WWP2: variants seen among roughly 807,000 people sequenced by gnomAD.
WWP2 encodes the protein NEDD4-like E3 ubiquitin-protein ligase WWP2.
WWP2 carries 57 observed loss-of-function variants against 121.0 expected under a neutral mutation model. That is an observed-to-expected ratio of 0.47 (90% confidence interval 0.38 to 0.59). The LOEUF is 0.59. Ranked by LOEUF, WWP2 falls within the 20% of genes least tolerant of loss-of-function variation. The probability of loss-of-function intolerance (pLI) is 0.00; values close to 1 mark genes in which losing one functional copy is unlikely to be tolerated. For synonymous variants in WWP2, 449 were observed against 441.3 expected (o/e 1.02, Z -0.22); for missense variants, 962 against 1,158.9 (o/e 0.83, Z 2.47).
intron 2 of WWP2, among the ~76,000 whole-genome samples, chr16:69,788,607 C>G (rs2055841431): frequency 6.6e-6 from 1 of 152,222 alleles, no homozygotes; most frequent in Admixed American, 6.5e-5. Context: ...AAGCCACCCT[C>G]TTCCTGATCC....
intron 1 of WWP2, among the ~76,000 whole-genome samples, chr16:69,763,556 G>T (rs998569959): frequency 6.6e-6 from 1 of 152,210 alleles, no homozygotes; most frequent in Non-Finnish European, 1.5e-5. Context: ...AGTTTTTGGA[G>T]TTATTTGACA....
intron 2 of WWP2, among the ~76,000 whole-genome samples, chr16:69,794,494 A>G (rs955938141): frequency 1.3e-5 from 2 of 151,922 alleles, no homozygotes; most frequent in South Asian, 4.2e-4. Context: ...GCACCACTGC[A>G]CTCCAGCCTG....
chr16:69,913,466 C>T (rs1022056584), intron 9 of WWP2, among the ~76,000 whole-genome samples: 1 of 151,916 alleles, frequency 6.6e-6, no homozygotes. Context: ...TGTGCCACTG[C>T]GCTCCAGCCT....
intron 2 of WWP2, among the ~76,000 whole-genome samples, chr16:69,791,331 A>G (rs1286890147): frequency 6.6e-6 from 1 of 151,500 alleles, no homozygotes; most frequent in Non-Finnish European, 1.5e-5. Context: ...AAGTTCAAGC[A>G]ATTCTCCTGC....
chr16:69,801,647 A>G (rs1337213985), intron 4 of WWP2, among the ~76,000 whole-genome samples: 1 of 152,058 alleles, frequency 6.6e-6, no homozygotes, highest in Non-Finnish European at 1.5e-5. Flanking sequence ...TCCCAGCCTC[A>G]AGCCATCTCC....
At chr16:69,810,711 T>C (rs1376795164) in intron 4 of WWP2, among the ~76,000 whole-genome samples, 1 of 151,564 alleles carries the variant, frequency 6.6e-6, no homozygotes, top group East Asian at 1.9e-4. Context: ...ATTACAGGCA[T>C]GAGCCACTGC....
intron 4 of WWP2, among the ~76,000 whole-genome samples, chr16:69,825,476 A>G (rs1238484103): frequency 6.6e-6 from 1 of 151,892 alleles, no homozygotes; most frequent in Non-Finnish European, 1.5e-5. Flanking sequence ...TACCATGGGA[A>G]AGGCTTTGGA....
intron 2 of WWP2, among the ~76,000 whole-genome samples, chr16:69,794,774 G>GA (rs1044994051): frequency 6.6e-6 from 1 of 151,976 alleles, no homozygotes; most frequent in Non-Finnish European, 1.5e-5. Context: ...GATTATAAAA[G>GA]AAAAAAACCA....
intron 21 of WWP2, 147 bp from the exon 22 acceptor site, chr16:69,938,880 C>G (rs973489940): frequency 9.1e-6 from 6 of 658,912 alleles, no homozygotes; most frequent in African/African-American, 1.8e-5. Flanking sequence ...TGGGGTTTCT[C>G]AGGTTGGAGG....
At chr16:69,863,214 C>T (rs1003892587) in intron 6 of WWP2, among the ~76,000 whole-genome samples, 3 of 152,170 alleles carry the variant, frequency 2.0e-5, no homozygotes, top group African/African-American at 7.2e-5. Context: ...CTCACTTTTA[C>T]ATTTTCTCCA....
intron 6 of WWP2, among the ~76,000 whole-genome samples, chr16:69,856,600 C>A (rs2057317271): frequency 6.6e-6 from 1 of 152,016 alleles, no homozygotes; most frequent in Non-Finnish European, 1.5e-5. Context: ...CATGGTGAAA[C>A]CACATCTCAC....
intron 5 of WWP2, among the ~76,000 whole-genome samples, chr16:69,840,913 A>G (rs1242444126): frequency 6.6e-6 from 1 of 152,220 alleles, no homozygotes; most frequent in Non-Finnish European, 1.5e-5. Context: ...GGATTTCTGT[A>G]GCTTCAAAGG....
chr16:69,840,300 C>T, intron 5 of WWP2, 37 bp downstream of exon 5: 1 of 1,609,786 alleles, frequency 6.2e-7, no homozygotes, highest in Non-Finnish European at 8.5e-7. Flanking sequence ...TGTGCCGGGA[C>T]AGGGTGGGGC....
At chr16:69,854,052 C>T (rs1346066036) in intron 6 of WWP2, among the ~76,000 whole-genome samples, 1 of 152,216 alleles carries the variant, frequency 6.6e-6, no homozygotes, top group East Asian at 1.9e-4. Context: ...GACAGTGAAC[C>T]ACAGGGCCAC....
intron 10 of WWP2, among the ~76,000 whole-genome samples, chr16:69,923,300 A>T (rs1381349560): frequency 2.4e-5 from 1 of 41,748 alleles, no homozygotes; most frequent in African/African-American, 1.1e-4. Flanking sequence ...CGCTTCTTAT[A>T]GGTGTGTGTG....
chr16:69,928,697 G>A (rs764054382), intron 11 of WWP2, among the ~76,000 whole-genome samples: 16 of 152,074 alleles, frequency 1.1e-4, no homozygotes, highest in Non-Finnish European at 2.1e-4. Flanking sequence ...ATCACTTGAG[G>A]CCAGGAGTTC....
intron 2 of WWP2, among the ~76,000 whole-genome samples, chr16:69,792,855 C>G (rs1309177813): frequency 6.6e-6 from 1 of 152,106 alleles, no homozygotes; most frequent in Non-Finnish European, 1.5e-5. Flanking sequence ...CTACACCTGG[C>G]TAATATTTTA....
chr16:69,790,330 AAAAT>A (rs1326612997), intron 2 of WWP2, among the ~76,000 whole-genome samples: 6 of 152,230 alleles, frequency 3.9e-5, no homozygotes, highest in Admixed American at 3.9e-4. Context: ...TTTTTACAAT[AAAAT>A]AAGCTAGAGA....
At chr16:69,792,237 A>C (rs995855989) in intron 2 of WWP2, among the ~76,000 whole-genome samples, 1 of 152,160 alleles carries the variant, frequency 6.6e-6, no homozygotes. Context: ...ATTTTATTTG[A>C]TATTTTACTA....
Sources: gnomAD v4.1 joint callset for allele counts (sites outside exome capture counted in the v4.1 genomes callset) on GRCh38, gnomAD v4.1.1 for gene constraint, MANE v1.5 for transcripts, NCBI Gene and HGNC (gene_info 2026-07-23, HGNC 2026-07-21) for gene names.